Variants in ADAM18 observed in about 807,000 individuals in gnomAD.
The protein encoded by ADAM18 is disintegrin and metalloproteinase domain-containing protein 18.
A neutral mutation model predicts 94.4 loss-of-function variants in ADAM18; 117 were observed. The ratio of observed to expected loss-of-function variants is 1.24; its 90% CI spans 1.07 to 1.45. ADAM18 has a LOEUF of 1.45. Among genes scored for constraint, ADAM18 ranks in the 40% most tolerant of loss-of-function variants. The pLI is 0.00. For missense variants in ADAM18, 936 were observed against 880.0 expected (o/e 1.06, Z -0.81); for synonymous variants, 327 against 291.6 (o/e 1.12, Z -1.24).
intron 19 of ADAM18, among the ~76,000 whole-genome samples, chr8:39,728,301 T>A (rs1822979036): frequency 6.6e-6 from 1 of 152,084 alleles, no homozygotes. Flanking sequence ...TCCTAACCAG[T>A]CAAAGAAAAT....
At chr8:39,610,862 T>G in intron 6 of ADAM18, 156 bp downstream of exon 6, 1 of 1,276,668 alleles carries the variant, frequency 7.8e-7, no homozygotes, top group Non-Finnish European at 1.0e-6. Flanking sequence ...TCATCTAAAA[T>G]ATTTGGAAAG....
At chr8:39,673,129 A>G (rs1276878128) in intron 14 of ADAM18, among the ~76,000 whole-genome samples, 1 of 152,192 alleles carries the variant, frequency 6.6e-6, no homozygotes, top group Admixed American at 6.5e-5. Flanking sequence ...TATTACACAC[A>G]TTTAATTATT....
intron 7 of ADAM18, among the ~76,000 whole-genome samples, chr8:39,633,921 T>C (rs1018817804): frequency 3.3e-5 from 5 of 151,548 alleles, no homozygotes; most frequent in Non-Finnish European, 7.4e-5. Flanking sequence ...TAAAGAAAAT[T>C]GTGTGGATAG....
intron 11 of ADAM18, among the ~76,000 whole-genome samples, chr8:39,646,611 T>C (rs1820384851): frequency 6.6e-6 from 1 of 152,150 alleles, no homozygotes; most frequent in South Asian, 2.1e-4. Flanking sequence ...CTTTAGCAAC[T>C]GAAAGAATGG....
intron 18 of ADAM18, among the ~76,000 whole-genome samples, chr8:39,713,410 C>G (rs1822474828): frequency 6.6e-6 from 1 of 152,130 alleles, no homozygotes; most frequent in African/African-American, 2.4e-5. Context: ...ACACGAAAAG[C>G]AATGGCAACA....
intron 12 of ADAM18, among the ~76,000 whole-genome samples, chr8:39,661,971 CATA>C (rs1820853523): frequency 1.3e-5 from 2 of 150,246 alleles, no homozygotes; most frequent in African/African-American, 2.4e-5. Flanking sequence ...AACCAGATAT[CATA>C]TAAAATCTGT....
intron 17 of ADAM18, among the ~76,000 whole-genome samples, chr8:39,693,632 T>A (rs11778483): frequency 0.27 from 41,198 of 150,946 alleles, 6,441 homozygotes; most frequent in East Asian, 0.75. Context: ...ACAATTGTTT[T>A]CTTAATATAT....
chr8:39,715,597 T>G (rs1822545932), intron 18 of ADAM18, among the ~76,000 whole-genome samples: 1 of 151,840 alleles, frequency 6.6e-6, no homozygotes, highest in Admixed American at 6.6e-5. Flanking sequence ...CTTATTAGTA[T>G]GAAAATGAAA....
intron 14 of ADAM18, among the ~76,000 whole-genome samples, chr8:39,670,920 C>T (rs183375059): frequency 1.1e-3 from 161 of 152,302 alleles, no homozygotes; most frequent in South Asian, 1.9e-3. Context: ...AAAAGTCTGC[C>T]TCTTTTGGCC....
At chr8:39,698,832 C>T (rs1218235312) in intron 17 of ADAM18, among the ~76,000 whole-genome samples, 1 of 151,904 alleles carries the variant, frequency 6.6e-6, no homozygotes, top group African/African-American at 2.4e-5. Flanking sequence ...TCTCTTACAC[C>T]ATATTTCAAT....
chr8:39,701,170 G>T (rs1215492398), intron 17 of ADAM18, among the ~76,000 whole-genome samples: 2 of 141,680 alleles, frequency 1.4e-5, no homozygotes, highest in Non-Finnish European at 3.1e-5. Flanking sequence ...TGTAAGTGTG[G>T]TTTATTTGTA....
intron 7 of ADAM18, among the ~76,000 whole-genome samples, chr8:39,632,555 TA>T: frequency 6.6e-6 from 1 of 152,262 alleles, no homozygotes; most frequent in East Asian, 1.9e-4. Context: ...CCTGATCTTT[TA>T]TTTAATATTT....
Position 39,606,367 on chromosome 8 carries a change from G to C in ADAM18, c.188+5G>C. 6.5e-7 allele frequency: 1 copy of C among 1,534,666 alleles called. No homozygotes were observed. The highest frequency in any genetic ancestry group is 8.8e-7 in the Non-Finnish European group (1 of 1,132,374). On this transcript the variant is annotated splice_donor_5th_base_variant and intron_variant, in intron 3 of 19. Coordinates refer to ENST00000265707, the MANE Select transcript of ADAM18 (RefSeq NM_014237.3). ...CACTCTACATCTCGGAAAACAGTAAGATATGATTTTTTTTTCATTAAGGAA... is the reference window on the plus strand; with the variant it reads ...CACTCTACATCTCGGAAAACAGTAACATATGATTTTTTTTTCATTAAGGAA...
chr8:39,684,002 A>C (rs1821539601), intron 16 of ADAM18, among the ~76,000 whole-genome samples: 1 of 152,160 alleles, frequency 6.6e-6, no homozygotes, highest in African/African-American at 2.4e-5. Context: ...AAAATTAGCC[A>C]GGTATGGTGG....
At chr8:39,627,661 T>A (rs533212488) in intron 6 of ADAM18, among the ~76,000 whole-genome samples, 8 of 152,238 alleles carry the variant, frequency 5.3e-5, no homozygotes, top group Admixed American at 1.3e-4. Flanking sequence ...GATTTTTTTT[T>A]ATCCATTCTG....
Position 39,680,153 on chromosome 8 carries a change from C to T in ADAM18, c.1748C>T (p.Thr583Ile), listed in dbSNP as rs1421246093. 1 of 1,613,822 alleles carries T rather than the reference C, an allele frequency of 6.2e-7. No homozygotes were observed. The highest frequency in any genetic ancestry group is 8.5e-7 in the Non-Finnish European group (1 of 1,179,860). Residue 583 changes from threonine to isoleucine, a missense_variant, in exon 16 of 20, where the codon ACT becomes ATT. Transcript: ENST00000265707. ...GACCATGTATGTGTATCTATAGCCA[C>T]TGGTTCCTCCATGAGATCAGATGGA... ...IQDHVCVSIA[T>I]GSSMRSDGTD... is the part of the protein sequence containing the mutation.
intron 2 of ADAM18, among the ~76,000 whole-genome samples, chr8:39,592,944 T>A (rs1347302097): frequency 6.6e-6 from 1 of 152,224 alleles, no homozygotes; most frequent in African/African-American, 2.4e-5. Flanking sequence ...ACTGAAAATC[T>A]GTTGTTTAGT....
intron 12 of ADAM18, among the ~76,000 whole-genome samples, chr8:39,652,349 A>G (rs891906850): frequency 6.6e-6 from 1 of 152,194 alleles, no homozygotes; most frequent in African/African-American, 2.4e-5. Context: ...ACCACTCAAT[A>G]GCAGGAAAAC....
chr8:39,676,692 C>T (rs112199567), intron 14 of ADAM18, among the ~76,000 whole-genome samples: 5,739 of 152,274 alleles, frequency 0.038, 278 homozygotes, highest in African/African-American at 0.12. Flanking sequence ...CCAGGTACCT[C>T]AGTTGGAAAT....
Sources: allele counts gnomAD v4.1 joint callset (sites outside exome capture counted in the v4.1 genomes callset), GRCh38; gene constraint gnomAD v4.1.1; transcripts MANE v1.5; gene names NCBI Gene and HGNC (gene_info 2026-07-23, HGNC 2026-07-21).